Variants in NRG3 observed in about 807,000 individuals in gnomAD.
The protein encoded by NRG3 is neuregulin 3.
Under a neutral mutation model 66.9 loss-of-function variants are expected in NRG3, and 31 were observed. The ratio of observed to expected loss-of-function variants is 0.46; its 90% CI spans 0.35 to 0.63. The LOEUF (loss-of-function observed/expected upper bound fraction) is 0.63. NRG3 is among the 20% of genes least tolerant of loss of function. NRG3 has a pLI of 0.00. For missense variants in NRG3, 910 were observed against 878.9 expected (o/e 1.04, Z -0.45); for synonymous variants, 393 against 359.4 (o/e 1.09, Z -1.06).
chr10:82,171,054 A>G (rs1320593684), intron 1 of NRG3, among the ~76,000 whole-genome samples: 1 of 151,902 alleles, frequency 6.6e-6, no homozygotes, highest in Non-Finnish European at 1.5e-5. Flanking sequence ...TGGCTTTATT[A>G]GTGTCATTAT....
intron 2 of NRG3, among the ~76,000 whole-genome samples, chr10:82,628,310 T>G (rs1489456146): frequency 6.6e-6 from 1 of 152,182 alleles, no homozygotes; most frequent in Non-Finnish European, 1.5e-5. Context: ...GGAGACGTTA[T>G]TTTTTTAATC....
At position 82,328,429 on chromosome 10, in the gene NRG3, C is replaced by T. The variant is rs148963590; in HGVS notation, c.824-30310C>T. Among the ~76,000 whole-genome samples, 1,193 of 152,146 alleles carry T rather than the reference C, an allele frequency of 7.8e-3. 13 individuals are homozygous for T. Among genetic ancestry groups the T allele is most frequent in the African/African-American group, 0.027 (1,103 of 41,482 alleles). ...ATTTACAGGGTACATAATGATGTTT[C>T]GATACTATGCAATGTGTAGTGATCA... On this transcript the variant is annotated intron_variant, in intron 1 of 8. Transcript: ENST00000372141.
At chr10:82,902,799 T>C (rs1282227760) in intron 4 of NRG3, among the ~76,000 whole-genome samples, 1 of 152,184 alleles carries the variant, frequency 6.6e-6, no homozygotes, top group East Asian at 1.9e-4. Flanking sequence ...TGCAGTTTTT[T>C]ACAATAAATG....
chr10:82,244,779 G>C (rs1262389363), intron 1 of NRG3, among the ~76,000 whole-genome samples: 6 of 152,038 alleles, frequency 3.9e-5, no homozygotes, highest in Non-Finnish European at 5.9e-5. Context: ...TGTCACCCAG[G>C]CTGGTGTGCA....
chr10:82,133,656 T>C (rs1176041820), intron 1 of NRG3, among the ~76,000 whole-genome samples: 2 of 152,196 alleles, frequency 1.3e-5, no homozygotes, highest in Non-Finnish European at 1.5e-5. Flanking sequence ...TTATATTGTC[T>C]ATCATCAGTG....
intron 1 of NRG3, among the ~76,000 whole-genome samples, chr10:82,343,118 A>C (rs1033744449): frequency 6.6e-6 from 1 of 152,182 alleles, no homozygotes; most frequent in African/African-American, 2.4e-5. Context: ...TCAATGCTGT[A>C]GTAACCAAAA....
chr10:82,914,950 G>T (rs1391283582), intron 4 of NRG3, among the ~76,000 whole-genome samples: 1 of 152,094 alleles, frequency 6.6e-6, no homozygotes, highest in Non-Finnish European at 1.5e-5. Context: ...TATTTTAAAT[G>T]AAAACTTTTT....
intron 3 of NRG3, among the ~76,000 whole-genome samples, chr10:82,770,181 G>A (rs1486487740): frequency 2.0e-5 from 3 of 152,210 alleles, no homozygotes; most frequent in Non-Finnish European, 2.9e-5. Context: ...ATAGCAGCAT[G>A]ACTATGCATA....
intron 6 of NRG3, among the ~76,000 whole-genome samples, chr10:82,966,064 C>T (rs2132511294): frequency 6.6e-6 from 1 of 152,300 alleles, no homozygotes; most frequent in Non-Finnish European, 1.5e-5. Flanking sequence ...AGTTTCTATA[C>T]TCTGTATTCA....
intron 1 of NRG3, among the ~76,000 whole-genome samples, chr10:82,020,222 A>G (rs375814187): frequency 1.3e-5 from 2 of 152,286 alleles, no homozygotes; most frequent in South Asian, 4.1e-4. Flanking sequence ...ACAGAGCCAA[A>G]GATGTGGCTT....
intron 2 of NRG3, among the ~76,000 whole-genome samples, chr10:82,414,279 CT>C (rs2088358654): frequency 1.3e-5 from 2 of 152,098 alleles, no homozygotes; most frequent in South Asian, 4.2e-4. Context: ...AATAGGTAGA[CT>C]GAGAAGAGGG....
intron 2 of NRG3, among the ~76,000 whole-genome samples, chr10:82,501,471 C>T (rs979763130): frequency 3.3e-5 from 5 of 152,158 alleles, no homozygotes; most frequent in African/African-American, 1.2e-4. Flanking sequence ...CCTCCATGAC[C>T]TGCCAGCCCC....
At chr10:81,938,791 C>T (rs1445277346) in intron 1 of NRG3, among the ~76,000 whole-genome samples, 1 of 152,016 alleles carries the variant, frequency 6.6e-6, no homozygotes, top group Non-Finnish European at 1.5e-5. Flanking sequence ...ACTTCCAGTA[C>T]TATGCTGAAT....
intron 1 of NRG3, among the ~76,000 whole-genome samples, chr10:82,244,820 G>A (rs2077163503): frequency 6.6e-6 from 1 of 151,978 alleles, no homozygotes; most frequent in Admixed American, 6.6e-5. Context: ...TGCAACTGCC[G>A]CCTCCTGGGT....
chr10:82,027,122 T>G (rs2062349561), intron 1 of NRG3, among the ~76,000 whole-genome samples: 1 of 152,108 alleles, frequency 6.6e-6, no homozygotes, highest in Admixed American at 6.6e-5. Flanking sequence ...TGGGCATCCT[T>G]TGGGTTTATT....
intron 1 of NRG3, among the ~76,000 whole-genome samples, chr10:81,991,834 TAA>T (rs1002555895): frequency 6.6e-6 from 1 of 152,144 alleles, no homozygotes; most frequent in African/African-American, 2.4e-5. Flanking sequence ...ATGAATATTT[TAA>T]AGAGGTAGCT....
chr10:82,270,219 G>A (rs2078521601), intron 1 of NRG3, among the ~76,000 whole-genome samples: 1 of 152,084 alleles, frequency 6.6e-6, no homozygotes, highest in Admixed American at 6.6e-5. Context: ...TGCTGTGGAT[G>A]GGATTAAGTG....
At chr10:82,640,845 C>T (rs1231273640) in intron 2 of NRG3, among the ~76,000 whole-genome samples, 3 of 151,776 alleles carry the variant, frequency 2.0e-5, no homozygotes, top group Admixed American at 2.0e-4. Context: ...GAAATAATGC[C>T]TCATAGGCCT....
intron 1 of NRG3, among the ~76,000 whole-genome samples, chr10:81,957,698 C>A (rs1328991672): frequency 1.3e-5 from 2 of 152,086 alleles, no homozygotes; most frequent in African/African-American, 2.4e-5. Context: ...AGACCGAGAA[C>A]AGGAATGAAG....
Sources: gnomAD v4.1 joint callset for allele counts (sites outside exome capture counted in the v4.1 genomes callset) on GRCh38, gnomAD v4.1.1 for gene constraint, MANE v1.5 for transcripts, NCBI Gene and HGNC (gene_info 2026-07-23, HGNC 2026-07-21) for gene names.